Variants in MMP13 observed in about 807,000 individuals in gnomAD.
The protein encoded by MMP13 is matrix metallopeptidase 13.
MMP13 carries 45 observed loss-of-function variants against 52.1 expected under a neutral mutation model. The observed-to-expected ratio is 0.86, with a 90% CI of 0.68 to 1.11. The LOEUF (loss-of-function observed/expected upper bound fraction) is 1.11. Among genes scored for constraint, MMP13 ranks in the 50% least tolerant of loss-of-function variants. MMP13 has a pLI of 0.00. For missense variants in MMP13, 576 were observed against 583.8 expected (o/e 0.99, Z 0.14); for synonymous variants, 200 against 204.4 (o/e 0.98, Z 0.18).
Position 102,949,179 on chromosome 11 carries a change from A to C in MMP13, c.918-21T>G, listed in dbSNP as rs782354118. The C allele has an allele frequency of 1.2e-6, 2 of 1,612,326 alleles. No homozygotes were observed. The highest frequency in any genetic ancestry group is 1.7e-6 in the Non-Finnish European group (2 of 1,179,530). Reference sequence around the variant, plus strand: ...AGAATCTAACACAAAAGTAAAATGGAGTTTTCTGTCACATTTTTAAATGCA... The same window carrying C: ...AGAATCTAACACAAAAGTAAAATGGCGTTTTCTGTCACATTTTTAAATGCA... On this transcript the variant is annotated intron_variant, in intron 6 of 9. Transcript: ENST00000260302. The surrounding 1 kb of genome is among the most constrained non-coding windows in gnomAD (Gnocchi z 4.2).
chr11:102,946,706 T>G (rs937419090), intron 8 of MMP13, among the ~76,000 whole-genome samples: 1 of 152,194 alleles, frequency 6.6e-6, no homozygotes, highest in African/African-American at 2.4e-5. Flanking sequence ...ACAGCATATC[T>G]GAGATGCAGT....
chr11:102,946,049 G>A (rs1860502011), intron 8 of MMP13, among the ~76,000 whole-genome samples: 1 of 152,180 alleles, frequency 6.6e-6, no homozygotes, highest in African/African-American at 2.4e-5. Context: ...ATGTTCTTAA[G>A]CATGAAATAA....
chr11:102,955,528 GAGA>G lies in MMP13; in HGVS notation c.121-38_121-36del, dbSNP rs1860684216. The G allele has an allele frequency of 6.2e-7, 1 of 1,613,994 alleles. No individual in the cohort carries two copies. Among genetic ancestry groups the G allele is most frequent in the Non-Finnish European group, 8.5e-7 (1 of 1,179,914 alleles). On this transcript the variant is annotated intron_variant, in intron 1 of 9. Transcript: ENST00000260302. This position sits in a 1 kb window ranked among gnomAD's most constrained non-coding sequence, Gnocchi z 4.9. ...ACACCAAAATGAACTGCGTTTAAAA[GAGA>G]AGGACATTTCTGAGATGTACCAACC...
At chr11:102,951,746 C>T (rs1436774241) in intron 5 of MMP13, among the ~76,000 whole-genome samples, 9 of 152,094 alleles carry the variant, frequency 5.9e-5, no homozygotes, top group Non-Finnish European at 7.4e-5. Context: ...TGGAACAGCC[C>T]ATGTCTCCTA....
intron 2 of MMP13, 33 bp from the exon 3 acceptor site, chr11:102,954,639 T>G: frequency 6.2e-7 from 1 of 1,600,700 alleles, no homozygotes; most frequent in Non-Finnish European, 8.6e-7. Flanking sequence ...ATGAACTTTT[T>G]GGAAAGTGAC....
At chr11:102,946,461 T>A (rs1036176206) in intron 8 of MMP13, among the ~76,000 whole-genome samples, 1 of 152,230 alleles carries the variant, frequency 6.6e-6, no homozygotes, top group African/African-American at 2.4e-5. Flanking sequence ...TGTATACACA[T>A]AACTGCAACG....
rs1327351946 is a variant in MMP13 at position 102,955,251 on chromosome 11, C to A, written c.362+1G>T. ...TGAAAGAAAGATAGCCTATGATTTACCTGTAGGTTAAATTCATTTTGGACC... is the reference window on the plus strand; with the variant it reads ...TGAAAGAAAGATAGCCTATGATTTAACTGTAGGTTAAATTCATTTTGGACC... On this transcript the variant is annotated splice_donor_variant, in intron 2 of 9. Transcript: ENST00000260302. LOFTEE classifies it high-confidence loss of function. This position sits in a 1 kb window ranked among gnomAD's most constrained non-coding sequence, Gnocchi z 4.9. 4.3e-6 allele frequency: 7 copies of A among 1,613,462 alleles called. No homozygotes were observed. Among genetic ancestry groups the A allele is most frequent in the African/African-American group, 2.7e-5 (2 of 74,860 alleles).
Position 102,945,813 on chromosome 11 carries a change from C to A in MMP13, c.1212-64G>T, listed in dbSNP as rs1348740569. 1.7e-5 allele frequency: 14 copies of A among 810,832 alleles called. No homozygotes were observed. The African/African-American group carries it at 2.1e-4, about 12-fold the overall frequency. The allele number at this position is 810,832 out of a possible 1,614,324, so 50.2% of individuals were successfully genotyped here. A position where few individuals can be genotyped will look rare whatever the true frequency, so the allele number is the denominator to read the frequency against. ...CTTAGAAAGTACCTTAGAAATAATA[C>A]AATAGATACAATGGCATCTTTCAAA... On this transcript the variant is annotated intron_variant, in intron 8 of 9. Transcript: ENST00000260302.
At chr11:102,945,892 A>G (rs1860499312) in intron 8 of MMP13, 143 bp from the exon 9 acceptor site, 2 of 586,270 alleles carry the variant, frequency 3.4e-6, no homozygotes, top group South Asian at 4.1e-5. Flanking sequence ...GTAGCTTTTT[A>G]AAATTAGGAA....
At chr11:102,945,875 G>C in intron 8 of MMP13, 126 bp from the exon 9 acceptor site, 2 of 599,062 alleles carry the variant, frequency 3.3e-6, no homozygotes, top group Non-Finnish European at 5.9e-6. Context: ...TCCATTTAAA[G>C]CATCTGGTAG....
chr11:102,945,539 A>G, intron 9 of MMP13, 107 bp downstream of exon 9: 3 of 759,260 alleles, frequency 4.0e-6, no homozygotes, highest in Non-Finnish European at 6.8e-6. Flanking sequence ...TAACTGCCAT[A>G]CATTTATTAA....
chr11:102,944,503 T>G (rs1860465049), intron 9 of MMP13, 137 bp from the exon 10 acceptor site: 2 of 576,422 alleles, frequency 3.5e-6, no homozygotes, highest in Non-Finnish European at 6.1e-6. Flanking sequence ...TATTAGTTCT[T>G]TAATAGTTGT....
rs1046611210 is a variant in MMP13 at position 102,948,026 on chromosome 11, C to A, written c.1076G>T (p.Gly359Val). The change falls in exon 8 of 10, where the codon GGT (glycine) becomes GTT (valine). Residue 359 changes from glycine (G) to valine (V), a missense_variant. Physicochemically the swap from Gly to Val is moderately radical, Grantham distance 109. Transcript: ENST00000260302. ...GGGATAACCTTCCAGAATGTCATAA[C>A]CATTAAGAGCCCAAAATTTTCTACC... ...FRGRKFWALNGYDILEGYPKK... is the reference protein window; with the variant it reads ...FRGRKFWALNVYDILEGYPKK... The A allele has an allele frequency of 3.1e-6, 5 of 1,613,512 alleles. No individual in the cohort carries two copies. The Admixed American group carries it at 6.7e-5, about 22-fold the overall frequency.
At chr11:102,945,575 C>A in intron 9 of MMP13, 71 bp downstream of exon 9, 1 of 960,398 alleles carries the variant, frequency 1.0e-6, no homozygotes, top group East Asian at 2.4e-5. Context: ...TATAAAAATG[C>A]TTTGTACAGA....
Position 102,954,561 on chromosome 11 carries a change from CT to C in MMP13, c.407del (p.Lys136ArgfsTer13), listed in dbSNP as rs2134522424. ...AAACTTTGAAGGCTTTTTTGAATGCCTTTTCGACTTCAGAATGAGTCATATC... is the reference window on the plus strand; with the variant it reads ...AAACTTTGAAGGCTTTTTTGAATGCCTTTCGACTTCAGAATGAGTCATATC... The part of the protein sequence containing the change: ...TPDMTHSEVE[K>X]AFKKAFKVWS... On this transcript the variant is annotated frameshift_variant, in exon 3 of 10. Transcript: ENST00000260302. LOFTEE classifies it high-confidence loss of function. The C allele has an allele frequency of 6.2e-7, 1 of 1,613,522 alleles. No homozygotes were observed. Among genetic ancestry groups the C allele is most frequent in the East Asian group, 2.2e-5 (1 of 44,852 alleles).
rs782628284 is a variant in MMP13 at position 102,949,148 on chromosome 11, G to A, written c.928C>T (p.Arg310Cys). The change falls in exon 7 of 10, where the codon CGC (arginine) becomes TGC (cysteine). Residue 310 changes from arginine to cysteine, a missense_variant. Coordinates refer to ENST00000260302, the MANE Select transcript of MMP13 (RefSeq NM_002427.4). This position sits in a 1 kb window ranked among gnomAD's most constrained non-coding sequence, Gnocchi z 4.2. The stretch of plus-strand genomic sequence containing the variant: ...GCATCAACCTGCTGAGGATGCAGGC[G>A]CCAGAAGAATCTAACACAAAAGTAA... ...TMIFKDRFFW[R>C]LHPQQVDAEL... 1.3e-5 allele frequency: 21 copies of A among 1,613,380 alleles called. No homozygotes were observed. The highest frequency in any genetic ancestry group is 6.7e-5 in the African/African-American group (5 of 74,862).
chr11:102,946,193 T>C (rs1258533316), intron 8 of MMP13, among the ~76,000 whole-genome samples: 1 of 152,152 alleles, frequency 6.6e-6, no homozygotes, highest in African/African-American at 2.4e-5. Flanking sequence ...TACTAAAAAG[T>C]TGTAGGGGCA....
At position 102,951,982 on chromosome 11, in the gene MMP13, G is replaced by T. The variant is rs17860543; in HGVS notation, c.799+30C>A. 1.6e-3 allele frequency: 2,509 copies of T among 1,603,788 alleles called. 23 individuals are homozygous for T. Among genetic ancestry groups the T allele is most frequent in the South Asian group, 0.01 (933 of 90,722 alleles). ...ATGGGTTTCTTCTGCTTTTATAACTGATCATATTCTATTTCTATAACCGAG... is the reference window on the plus strand; with the variant it reads ...ATGGGTTTCTTCTGCTTTTATAACTTATCATATTCTATTTCTATAACCGAG... On this transcript the variant is annotated intron_variant, in intron 5 of 9. Coordinates refer to ENST00000260302, the MANE Select transcript of MMP13 (RefSeq NM_002427.4).
intron 9 of MMP13, chr11:102,945,061 T>A (rs1860476389): frequency 3.7e-6 from 1 of 270,168 alleles, no homozygotes; most frequent in Non-Finnish European, 7.7e-6. Flanking sequence ...CTAGCCAACA[T>A]GGCGAAACTC....
Sources: gnomAD v4.1 joint callset for allele counts (sites outside exome capture counted in the v4.1 genomes callset) on GRCh38, gnomAD v4.1.1 for gene constraint, Gnocchi (gnomAD v3.1) non-coding constraint, MANE v1.5 for transcripts, NCBI Gene and HGNC (gene_info 2026-07-23, HGNC 2026-07-21) for gene names.